The following CXXC5 variants were observed in gnomAD, a reference collection of about 807,000 sequenced individuals.
The protein encoded by CXXC5 is CXXC-type zinc finger protein 5.
A neutral mutation model predicts 17.6 loss-of-function variants in CXXC5; 2 were observed. That is an observed-to-expected ratio of 0.11 (90% CI 0.05 to 0.36). The LOEUF (loss-of-function observed/expected upper bound fraction) is 0.36, where lower values mean the gene tolerates loss of function less well. Among genes scored for constraint, CXXC5 ranks in the 10% least tolerant of loss-of-function variants. The pLI, the probability that CXXC5 is intolerant of heterozygous loss-of-function variation, is 1.00. For missense variants in CXXC5, 343 were observed against 458.3 expected (o/e 0.75, Z 2.30); for synonymous variants, 171 against 193.0 (o/e 0.89, Z 0.94).
In CXXC5 at chr5:139,680,592, T is replaced by TGGCAGTGGC; in HGVS notation, c.70_78dup (p.Gly24_Gly26dup). 1 of 1,605,622 alleles carries TGGCAGTGGC rather than the reference T, an allele frequency of 6.2e-7. No homozygotes were observed. Among genetic ancestry groups the TGGCAGTGGC allele is most frequent in the South Asian group, 1.1e-5 (1 of 90,496 alleles). The stretch of plus-strand genomic sequence containing the variant: ...GCAGCAGCAGCACCAATGGCAGCGG[T>TGGCAGTGGC]GGCAGTGGCAGCAGTGGCCCAAAGG... On this transcript the variant is annotated inframe_insertion, in exon 2 of 3. Coordinates refer to ENST00000302517, the MANE Select transcript of CXXC5 (RefSeq NM_016463.9).
chr5:139,648,662 C>G lies in CXXC5; in HGVS notation c.-344C>G, dbSNP rs922042665. On this transcript the variant is annotated 5_prime_UTR_variant, in exon 1 of 3. Transcript: ENST00000302517. ...AGGGGCAGGTGCTGCAGGCTCCCCC[C>G]CCTCCCCGCCTCGGGCCAGCCGCGG... The G allele has an allele frequency of 4.0e-5, 6 of 151,392 alleles. No individual in the cohort carries two copies. The highest frequency in any genetic ancestry group is 7.3e-5 in the African/African-American group (3 of 41,296). 9.4% of individuals were successfully genotyped at this position (151,392 alleles called of 1,614,324 possible).
Position 139,680,470 on chromosome 5 carries a change from C to T in CXXC5, c.-54C>T. ...GCAGGGCCAGGTCCTGGTCTGTGGA[C>T]CCTCGGCAGTTGGCAGGCTCCCTCT... On this transcript the variant is annotated 5_prime_UTR_variant, in exon 2 of 3. Transcript: ENST00000302517. 1 of 1,509,966 alleles carries T rather than the reference C, an allele frequency of 6.6e-7. No homozygotes were observed. Among genetic ancestry groups the T allele is most frequent in the Non-Finnish European group, 8.8e-7 (1 of 1,133,048 alleles). The allele number at this position is 1,509,966 out of a possible 1,614,324, so 93.5% of individuals were successfully genotyped here. A position where few individuals can be genotyped will look rare whatever the true frequency, so the allele number is the denominator to read the frequency against.
At chr5:139,650,551 A>G (rs1295325380) in intron 1 of CXXC5, among the ~76,000 whole-genome samples, 1 of 152,172 alleles carries the variant, frequency 6.6e-6, no homozygotes, top group Non-Finnish European at 1.5e-5. Flanking sequence ...GGGGGCTGCG[A>G]GCGCGGTCGC....
rs1326478967 is a variant in CXXC5 at position 139,668,976 on chromosome 5, G to T, written c.-160-11388G>T. Among the ~76,000 whole-genome samples the T allele has an allele frequency of 6.6e-6, 1 of 152,140 alleles. No individual in the cohort carries two copies. Among genetic ancestry groups the T allele is most frequent in the African/African-American group, 2.4e-5 (1 of 41,438 alleles). ...ATACCCCTCCCAGTCTCCTCTCTTGGGGGGTTGCTGAGGGGGTGGAGGTAA... is the reference window on the plus strand; with the variant it reads ...ATACCCCTCCCAGTCTCCTCTCTTGTGGGGTTGCTGAGGGGGTGGAGGTAA... On this transcript the variant is annotated intron_variant, in intron 1 of 2. Coordinates refer to ENST00000302517, the MANE Select transcript of CXXC5 (RefSeq NM_016463.9). This position sits in a 1 kb window ranked among gnomAD's most constrained non-coding sequence, Gnocchi z 4.1.
Position 139,661,780 on chromosome 5 carries a change from A to G in CXXC5, c.-161+12935A>G, listed in dbSNP as rs1274046510. Reference sequence around the variant, plus strand: ...CACGGAAGAGGCCCGGCCTTCAGCCATGTTGTGTCCACCGGGTTCTGCAAG... The same window carrying G: ...CACGGAAGAGGCCCGGCCTTCAGCCGTGTTGTGTCCACCGGGTTCTGCAAG... On this transcript the variant is annotated intron_variant, in intron 1 of 2. Transcript: ENST00000302517. The surrounding 1 kb of genome is among the most constrained non-coding windows in gnomAD (Gnocchi z 4.7). 1.3e-5 allele frequency among the ~76,000 whole-genome samples: 2 copies of G among 152,244 alleles called. No individual in the cohort carries two copies. The highest frequency in any genetic ancestry group is 6.5e-5 in the Admixed American group (1 of 15,288).
intron 1 of CXXC5, among the ~76,000 whole-genome samples, chr5:139,652,005 C>A (rs1255169142): frequency 6.6e-6 from 1 of 152,192 alleles, no homozygotes; most frequent in Non-Finnish European, 1.5e-5. Flanking sequence ...TGAATCACTG[C>A]TCCAGCTCTG....
intron 1 of CXXC5, 198 bp downstream of exon 1, chr5:139,649,043 C>G (rs2126727218): frequency 6.6e-6 from 1 of 152,250 alleles, no homozygotes; most frequent in African/African-American, 2.4e-5. Context: ...AGGAGGGGTC[C>G]GTATTTGGGA....
chr5:139,648,272 G>A (rs1471729907), upstream of CXXC5: 1 of 150,792 alleles, frequency 6.6e-6, no homozygotes, highest in Non-Finnish European at 1.5e-5. Context: ...GGGGAGGAGG[G>A]AGCGGCGAGT....
chr5:139,677,254 T>C (rs1581623339), intron 1 of CXXC5, among the ~76,000 whole-genome samples: 1 of 151,942 alleles, frequency 6.6e-6, no homozygotes, highest in East Asian at 1.9e-4. Context: ...TCCCGCTCAT[T>C]CCCGCTCCGC....
intron 1 of CXXC5, among the ~76,000 whole-genome samples, chr5:139,649,879 A>G (rs1246103592): frequency 6.6e-6 from 1 of 152,054 alleles, no homozygotes; most frequent in Non-Finnish European, 1.5e-5. Context: ...CCGCCGCGAG[A>G]GGAATGTGTT....
chr5:139,682,547 C>T (rs907573156), intron 2 of CXXC5, among the ~76,000 whole-genome samples: 3 of 152,232 alleles, frequency 2.0e-5, no homozygotes, highest in East Asian at 1.9e-4. Flanking sequence ...CGTGCTCACA[C>T]GCTCATTTAC....
chr5:139,671,734 G>A (rs1009619442), intron 1 of CXXC5, among the ~76,000 whole-genome samples: 1 of 152,234 alleles, frequency 6.6e-6, no homozygotes, highest in Non-Finnish European at 1.5e-5. Context: ...TCTGCAACAG[G>A]GCCCTGAGAG....
In CXXC5 at chr5:139,670,111, G is replaced by A. The variant is rs1006429131; in HGVS notation, c.-160-10253G>A. Among the ~76,000 whole-genome samples the A allele has an allele frequency of 1.4e-4, 21 of 152,206 alleles. 1 individual carries two copies. Among genetic ancestry groups the A allele is most frequent in the Admixed American group, 1.1e-3 (17 of 15,284 alleles). On this transcript the variant is annotated intron_variant, in intron 1 of 2. Coordinates refer to ENST00000302517, the MANE Select transcript of CXXC5 (RefSeq NM_016463.9). This position sits in a 1 kb window ranked among gnomAD's most constrained non-coding sequence, Gnocchi z 4.2. ...TAGCGACTCCGGAACCAGCCGGCTC[G>A]GCCCCATGGCCCCTCTCGCCTCATT...
chr5:139,677,585 G>A (rs1261134122), intron 1 of CXXC5, among the ~76,000 whole-genome samples: 1 of 152,136 alleles, frequency 6.6e-6, no homozygotes, highest in Non-Finnish European at 1.5e-5. Flanking sequence ...CAGTCCCTCC[G>A]TGTACCCACC....
intron 1 of CXXC5, among the ~76,000 whole-genome samples, chr5:139,666,320 C>G (rs1223378850): frequency 6.6e-6 from 1 of 152,190 alleles, no homozygotes; most frequent in African/African-American, 2.4e-5. Flanking sequence ...ACCCCCTTCA[C>G]CCCCATCCCT....
chr5:139,672,221 A>G (rs967260642), intron 1 of CXXC5, among the ~76,000 whole-genome samples: 1 of 152,090 alleles, frequency 6.6e-6, no homozygotes, highest in Non-Finnish European at 1.5e-5. Context: ...AGGTTCAGGC[A>G]ATTCTCCTGC....
chr5:139,672,712 A>G (rs1162286359), intron 1 of CXXC5, among the ~76,000 whole-genome samples: 1 of 152,142 alleles, frequency 6.6e-6, no homozygotes, highest in African/African-American at 2.4e-5. Context: ...TGACTTCTGC[A>G]GTAGTTTGGG....
At chr5:139,682,771 C>T (rs1757319416) in intron 2 of CXXC5, 92 bp from the exon 3 acceptor site, 4 of 1,324,370 alleles carry the variant, frequency 3.0e-6, no homozygotes, top group Non-Finnish European at 4.1e-6. Flanking sequence ...GTCCCTCCGC[C>T]ATGAGGCCAT....
intron 1 of CXXC5, among the ~76,000 whole-genome samples, chr5:139,655,434 C>T (rs1183839644): frequency 1.3e-5 from 2 of 148,878 alleles, no homozygotes; most frequent in East Asian, 4.0e-4. Context: ...CTGCCTGCCA[C>T]CCCCCGCCGC....
Sources: gnomAD v4.1 joint callset for allele counts (sites outside exome capture counted in the v4.1 genomes callset) on GRCh38, gnomAD v4.1.1 for gene constraint, Gnocchi (gnomAD v3.1) non-coding constraint, MANE v1.5 for transcripts, NCBI Gene and HGNC (gene_info 2026-07-23, HGNC 2026-07-21) for gene names.